The following STRN3 variants were observed in gnomAD, a reference collection of about 807,000 sequenced individuals.
STRN3 encodes striatin 3.
A neutral mutation model predicts 95.6 loss-of-function variants in STRN3; 29 were observed. The ratio of observed to expected loss-of-function variants is 0.30; its 90% CI spans 0.23 to 0.41. The LOEUF is 0.41. STRN3 is among the 10% of genes least tolerant of loss of function. The pLI is 1.00. For missense variants in STRN3, 890 were observed against 972.1 expected (o/e 0.92, Z 1.12); for synonymous variants, 331 against 357.6 (o/e 0.93, Z 0.84).
At chr14:30,911,256 T>A in intron 12 of STRN3, 94 bp from the exon 13 acceptor site, 1 of 1,231,032 alleles carries the variant, frequency 8.1e-7, no homozygotes, top group Non-Finnish European at 1.1e-6. Context: ...ATGTAATATC[T>A]AAAAACTGTT....
chr14:30,967,239 G>A (rs547592556), intron 1 of STRN3, among the ~76,000 whole-genome samples: 116 of 146,624 alleles, frequency 7.9e-4, no homozygotes, highest in African/African-American at 2.7e-3. Flanking sequence ...GGTGGGGCAG[G>A]GTGGGGGGGA....
At chr14:30,987,382 C>T (rs1313849187) in intron 1 of STRN3, among the ~76,000 whole-genome samples, 2 of 152,062 alleles carry the variant, frequency 1.3e-5, no homozygotes, top group Admixed American at 1.3e-4. Flanking sequence ...TGGCAGGCGC[C>T]TGTAGTCCCA....
rs145657302 is a variant in STRN3, at chr14:30,902,124, T to C, written c.2137+412A>G. 3.2e-3 allele frequency among the ~76,000 whole-genome samples: 409 copies of C among 128,020 alleles called. 3 individuals carry two copies. Among genetic ancestry groups the C allele is most frequent in the African/African-American group, 0.012 (390 of 32,932 alleles). 84.0% of individuals were successfully genotyped at this position (128,020 alleles called of 152,430 possible). On this transcript the variant is annotated intron_variant, in intron 16 of 17. Transcript: ENST00000357479. The stretch of plus-strand genomic sequence containing the variant: ...AGGCCGAGATTGCAGTGAGCTGAGA[T>C]TGCACCATTGCACACCAGCCTGGGC...
At chr14:30,911,959 A>G (rs374693126) in intron 11 of STRN3, 48 bp downstream of exon 11, 1 of 1,583,804 alleles carries the variant, frequency 6.3e-7, no homozygotes, top group African/African-American at 1.4e-5. Context: ...AATTACTTAT[A>G]TTAGCAAAAT....
chr14:30,903,295 G>A (rs535665170), intron 15 of STRN3, among the ~76,000 whole-genome samples: 4 of 152,096 alleles, frequency 2.6e-5, no homozygotes, highest in South Asian at 2.1e-4. Context: ...CCTATGTAGA[G>A]TAATTAAAAA....
intron 1 of STRN3, among the ~76,000 whole-genome samples, chr14:30,978,154 G>A (rs1413950933): frequency 6.6e-6 from 1 of 152,068 alleles, no homozygotes; most frequent in Non-Finnish European, 1.5e-5. Flanking sequence ...ACTAATTCAC[G>A]TGATGAAGCC....
At chr14:30,993,880 C>CT (rs201135781) in intron 1 of STRN3, among the ~76,000 whole-genome samples, 4,038 of 138,672 alleles carry the variant, frequency 0.029, 77 homozygotes, top group East Asian at 0.049. Context: ...GGGTTTCTTT[C>CT]TTTTTTTTTT....
chr14:30,981,576 TCACA>T lies in STRN3; in HGVS notation c.283-25338_283-25335del, dbSNP rs34644271. On this transcript the variant is annotated intron_variant, in intron 1 of 17. Coordinates refer to ENST00000357479, the MANE Select transcript of STRN3 (RefSeq NM_001083893.2). ...TGAGAATCACAAGGTAGCTTAGAATTCACACACACACACACACACACACACACAC... is the reference window on the plus strand; with the variant it reads ...TGAGAATCACAAGGTAGCTTAGAATTCACACACACACACACACACACACAC... 8.1e-3 allele frequency among the ~76,000 whole-genome samples: 1,176 copies of T among 145,366 alleles called. 5 individuals carry two copies. Among genetic ancestry groups the T allele is most frequent in the African/African-American group, 0.022 (857 of 39,326 alleles).
At chr14:30,935,625 T>C (rs536966622) in intron 6 of STRN3, among the ~76,000 whole-genome samples, 4 of 152,332 alleles carry the variant, frequency 2.6e-5, no homozygotes, top group African/African-American at 7.2e-5. Context: ...TCTGATGTTA[T>C]CTTGAATTGA....
intron 1 of STRN3, among the ~76,000 whole-genome samples, chr14:30,993,501 G>A (rs905899748): frequency 2.6e-5 from 4 of 152,170 alleles, no homozygotes; most frequent in Non-Finnish European, 4.4e-5. Flanking sequence ...AATATAACAT[G>A]AGAAATGGAG....
chr14:31,003,672 T>C (rs1421629580), intron 1 of STRN3, among the ~76,000 whole-genome samples: 1 of 152,112 alleles, frequency 6.6e-6, no homozygotes, highest in African/African-American at 2.4e-5. Flanking sequence ...TGCTCGATCT[T>C]GAACTTGCCA....
At chr14:31,013,889 T>TATTATTTATTTGAGACAGAGTGTC (rs1555327143) in intron 1 of STRN3, among the ~76,000 whole-genome samples, 1 of 141,972 alleles carries the variant, frequency 7.0e-6, no homozygotes, top group Non-Finnish European at 1.5e-5. Flanking sequence ...TTATTATTAT[T>TATTATTTATTTGAGACAGAGTGTC]ATTATTATTA....
In STRN3 at chr14:30,913,476, G is replaced by A. The variant is rs368517525; in HGVS notation, c.1374+48C>T. On this transcript the variant is annotated intron_variant, in intron 10 of 17. Transcript: ENST00000357479. ...TTTATAAGTGATTCCAAAAAATAAG[G>A]AGCCTTCTATTAAATCATTAAAAAA... 100 of 1,495,510 alleles carry A rather than the reference G, an allele frequency of 6.7e-5. No individual in the cohort carries two copies. In the African/African-American group the frequency reaches 9.4e-4, roughly 14 times the overall value. 92.6% of individuals were successfully genotyped at this position (1,495,510 alleles called of 1,614,324 possible). A position where few individuals can be genotyped will look rare whatever the true frequency, so the allele number is the denominator to read the frequency against.
At chr14:30,923,608 T>A (rs570091170) in intron 8 of STRN3, among the ~76,000 whole-genome samples, 37 of 152,124 alleles carry the variant, frequency 2.4e-4, no homozygotes, top group African/African-American at 8.2e-4. Flanking sequence ...TCCCCAAATA[T>A]GAATTTTTAA....
At position 30,918,814 on chromosome 14, in the gene STRN3, A is replaced by G. The variant is rs1364265412; in HGVS notation, c.1240+152T>C. 8 of 736,406 alleles carry G rather than the reference A, an allele frequency of 1.1e-5. No individual in the cohort carries two copies. In the East Asian group the frequency reaches 2.5e-4, roughly 23 times the overall value. The allele number at this position is 736,406 out of a possible 1,614,324, so 45.6% of individuals were successfully genotyped here. A position where few individuals can be genotyped will look rare whatever the true frequency, so the allele number is the denominator to read the frequency against. ...AAACCAGAAATGTCAAAATCCCTAA[A>G]TTAGTTACATCAAGAGCTTGCCCAA... On this transcript the variant is annotated intron_variant, in intron 9 of 17. Coordinates refer to ENST00000357479, the MANE Select transcript of STRN3 (RefSeq NM_001083893.2).
chr14:30,901,388 AAAG>A (rs1349998224), intron 16 of STRN3, among the ~76,000 whole-genome samples: 26 of 152,344 alleles, frequency 1.7e-4, no homozygotes, highest in African/African-American at 5.5e-4. Context: ...AATTTGTTAA[AAAG>A]AATCTGTCCA....
At chr14:30,965,931 C>A (rs953837465) in intron 1 of STRN3, among the ~76,000 whole-genome samples, 2 of 152,064 alleles carry the variant, frequency 1.3e-5, no homozygotes, top group African/African-American at 4.8e-5. Flanking sequence ...AACTTAACTT[C>A]CTCATAAAGC....
At chr14:30,986,841 A>G (rs1171000438) in intron 1 of STRN3, among the ~76,000 whole-genome samples, 2 of 152,264 alleles carry the variant, frequency 1.3e-5, no homozygotes, top group Admixed American at 6.5e-5. Context: ...TAAAGGAAGG[A>G]AAGAAAAATC....
intron 1 of STRN3, among the ~76,000 whole-genome samples, chr14:31,022,240 C>T (rs993272367): frequency 3.3e-5 from 5 of 151,906 alleles, no homozygotes; most frequent in East Asian, 3.9e-4. Flanking sequence ...ATTAGCTGGG[C>T]GTGGTGGCAG....
Sources: gnomAD v4.1 joint callset for allele counts (sites outside exome capture counted in the v4.1 genomes callset) on GRCh38, gnomAD v4.1.1 for gene constraint, MANE v1.5 for transcripts, NCBI Gene and HGNC (gene_info 2026-07-23, HGNC 2026-07-21) for gene names.